Variants in AOC3 observed in about 807,000 individuals in gnomAD.
The protein encoded by AOC3 is amine oxidase [copper-containing] 3.
AOC3 carries 47 observed loss-of-function variants against 55.4 expected under a neutral mutation model. The ratio of observed to expected loss-of-function variants is 0.85; its 90% confidence interval spans 0.67 to 1.08. The LOEUF is 1.08. AOC3 is among the 50% of genes least tolerant of loss of function. AOC3 has a pLI of 0.00. For synonymous variants in AOC3, 386 were observed against 410.7 expected (o/e 0.94, Z 0.73); for missense variants, 853 against 993.1 (o/e 0.86, Z 1.90).
Position 42,852,619 on chromosome 17 carries a change from C to T in AOC3, c.1276C>T (p.Arg426Cys), listed in dbSNP as rs368455364. 79 of 1,614,204 alleles carry T rather than the reference C, an allele frequency of 4.9e-5. No homozygotes were observed. The highest frequency in any genetic ancestry group is 8.3e-5 in the Admixed American group (5 of 60,022). The stretch of plus-strand genomic sequence containing the variant: ...GGAGTCCCAGGCCCCCAAGACAATA[C>T]GTGATGCCTTTTGTGTGTTTGAACA... ...LLESQAPKTIRDAFCVFEQNQ... is the reference protein window; with the variant it reads ...LLESQAPKTICDAFCVFEQNQ... The change falls in exon 1 of 4, where the codon CGT becomes TGT. Residue 426 changes from arginine (R) to cysteine (C), a missense_variant. Coordinates refer to ENST00000308423, the MANE Select transcript of AOC3 (RefSeq NM_003734.4).
In AOC3 at chr17:42,852,436, C is replaced by G. The variant is rs753769690; in HGVS notation, c.1093C>G (p.Leu365Val). Residue 365 changes from leucine (L) to valine (V), a missense_variant, in exon 1 of 4, where the codon CTC becomes GTC. Coordinates refer to ENST00000308423, the MANE Select transcript of AOC3 (RefSeq NM_003734.4). Reference protein sequence around the residue: ...QGERLVYEISLQEALAIYGGN... With the variant: ...QGERLVYEISVQEALAIYGGN... Reference sequence around the variant, plus strand: ...AGAAAGACTAGTTTATGAGATAAGCCTCCAAGAGGCCTTGGCCATCTATGG... The same window carrying G: ...AGAAAGACTAGTTTATGAGATAAGCGTCCAAGAGGCCTTGGCCATCTATGG... 5 of 1,614,106 alleles carry G rather than the reference C, an allele frequency of 3.1e-6. No homozygotes were observed. The highest frequency in any genetic ancestry group is 2.5e-6 in the Non-Finnish European group (3 of 1,180,062).
chr17:42,851,853 C>T lies in AOC3; in HGVS notation c.510C>T (p.Pro170=), dbSNP rs180981981. 64 of 1,613,668 alleles carry T rather than the reference C, an allele frequency of 4.0e-5. No individual in the cohort carries two copies. Among genetic ancestry groups the T allele is most frequent in the Non-Finnish European group, 4.5e-5 (53 of 1,180,048 alleles). ...GCCCCCTGCCCTATCACCGACGCCC[C>T]GTGCTGTTCCAAGAGTACCTGGACA... ...HGGPLPYHRR[P]VLFQEYLDID... Residue 170 remains proline (P), a synonymous_variant, in exon 1 of 4, where the codon CCC becomes CCT. Transcript: ENST00000308423.
rs2055729640 is a variant in AOC3, at chr17:42,854,987, C to T, written c.1886+254C>T. ...TCAGCCTCCCCAGTAGCTGGGATTA[C>T]AGGTGCACGCCACCACACATGGCTA... On this transcript the variant is annotated intron_variant, in intron 2 of 3. Coordinates refer to ENST00000308423, the MANE Select transcript of AOC3 (RefSeq NM_003734.4). Among the ~76,000 whole-genome samples, 6 of 151,752 alleles carry T rather than the reference C, an allele frequency of 4.0e-5. 2 individuals are homozygous for T. In the South Asian group the frequency reaches 1.2e-3, roughly 31 times the overall value.
chr17:42,854,263 T>C (rs1015005248), intron 1 of AOC3, 185 bp from the exon 2 acceptor site: 1 of 440,416 alleles, frequency 2.3e-6, no homozygotes, highest in African/African-American at 2.0e-5. Flanking sequence ...TGATGAAGTA[T>C]TTTAATTTAC....
chr17:42,853,106 C>T, intron 1 of AOC3, 163 bp downstream of exon 1: 1 of 1,343,436 alleles, frequency 7.4e-7, no homozygotes. Context: ...TTATTTGGAT[C>T]TTAGCTCACT....
rs753368077 is a variant in AOC3 at position 42,852,804 on chromosome 17, A to G, written c.1461A>G (p.Ile487Met). ...TVFHPSGAIEIRFYATGYISS... is the reference protein window; with the variant it reads ...TVFHPSGAIEMRFYATGYISS... ...TCCACCCCAGTGGGGCCATAGAAATACGATTCTATGCCACGGGCTACATCA... is the reference window on the plus strand; with the variant it reads ...TCCACCCCAGTGGGGCCATAGAAATGCGATTCTATGCCACGGGCTACATCA... The change falls in exon 1 of 4, where the codon ATA (isoleucine) becomes ATG (methionine). Residue 487 changes from isoleucine to methionine, a missense_variant. Coordinates refer to ENST00000308423, the MANE Select transcript of AOC3 (RefSeq NM_003734.4). 1 of 1,613,956 alleles carries G rather than the reference A, an allele frequency of 6.2e-7. No homozygotes were observed. The highest frequency in any genetic ancestry group is 8.5e-7 in the Non-Finnish European group (1 of 1,179,926).
intron 1 of AOC3, among the ~76,000 whole-genome samples, chr17:42,853,848 G>A (rs780914531): frequency 2.0e-5 from 3 of 152,154 alleles, no homozygotes; most frequent in Non-Finnish European, 4.4e-5. Flanking sequence ...TTTCCTTCAC[G>A]GTGCAGCTCC....
In AOC3 at chr17:42,852,514, A is replaced by G. The variant is rs369983069; in HGVS notation, c.1171A>G (p.Met391Val). Residue 391 changes from methionine (M) to valine (V), a missense_variant, in exon 1 of 4, where the codon ATG (methionine) becomes GTG (valine). Transcript: ENST00000308423. Reference sequence around the variant, plus strand: ...CCGCTATGTGGATGGAGGCTTTGGCATGGGCAAGTACACCACGCCCCTGAC... The same window carrying G: ...CCGCTATGTGGATGGAGGCTTTGGCGTGGGCAAGTACACCACGCCCCTGAC... Reference protein sequence around the residue: ...TTRYVDGGFGMGKYTTPLTRG... With the variant: ...TTRYVDGGFGVGKYTTPLTRG... 1 of 1,614,222 alleles carries G rather than the reference A, an allele frequency of 6.2e-7. No homozygotes were observed.
At position 42,852,684 on chromosome 17, in the gene AOC3, C is replaced by T; in HGVS notation, c.1341C>T (p.Leu447=). The change falls in exon 1 of 4, where the codon CTC becomes CTT. Residue 447 remains leucine, a synonymous_variant. Coordinates refer to ENST00000308423, the MANE Select transcript of AOC3 (RefSeq NM_003734.4). ...CCCTGCGGCGACACCACTCAGATCT[C>T]TACTCGCACTACTTTGGGGGTCTTG... is the stretch of plus-strand genomic sequence containing the variant. ...GLPLRRHHSD[L]YSHYFGGLAE... is the part of the protein sequence containing the mutation. 6.2e-7 allele frequency: 1 copy of T among 1,614,242 alleles called. No individual in the cohort carries two copies. The highest frequency in any genetic ancestry group is 1.1e-5 in the South Asian group (1 of 91,084).
Position 42,852,153 on chromosome 17 carries a change from C to T in AOC3, c.810C>T (p.Tyr270=). ...TIQKVFYQGR[Y]YDSLAQLEAQ... ...AGAAGGTGTTCTATCAAGGCCGCTA[C>T]TACGACAGCCTGGCCCAGCTGGAGG... The change falls in exon 1 of 4, where the codon TAC becomes TAT. Residue 270 remains tyrosine (Y), a synonymous_variant. Coordinates refer to ENST00000308423, the MANE Select transcript of AOC3 (RefSeq NM_003734.4). 6.2e-7 allele frequency: 1 copy of T among 1,613,958 alleles called. No homozygotes were observed. Among genetic ancestry groups the T allele is most frequent in the African/African-American group, 1.3e-5 (1 of 75,046 alleles).
Position 42,852,459 on chromosome 17 carries a change from T to C in AOC3, c.1116T>C (p.Tyr372=), listed in dbSNP as rs1431976971. 1 of 1,614,212 alleles carries C rather than the reference T, an allele frequency of 6.2e-7. No individual in the cohort carries two copies. Among genetic ancestry groups the C allele is most frequent in the Non-Finnish European group, 8.5e-7 (1 of 1,180,044 alleles). The change falls in exon 1 of 4, where the codon TAT becomes TAC. Residue 372 remains tyrosine (Y), a synonymous_variant. Coordinates refer to ENST00000308423, the MANE Select transcript of AOC3 (RefSeq NM_003734.4). ...GCCTCCAAGAGGCCTTGGCCATCTA[T>C]GGTGGAAATTCCCCAGCAGCAATGA... ...EISLQEALAI[Y]GGNSPAAMTT... is the part of the protein sequence containing the mutation.
Position 42,856,265 on chromosome 17 carries a change from C to T in AOC3, c.2017-10C>T, listed in dbSNP as rs201129206. 1.2e-6 allele frequency: 2 copies of T among 1,613,116 alleles called. No homozygotes were observed. Among genetic ancestry groups the T allele is most frequent in the African/African-American group, 1.3e-5 (1 of 75,034 alleles). ...CAGACCTCGTGATCCTCTTTCTTCT[C>T]CCCTGCTAGGATTTGGTGGCCTGGG... On this transcript the variant is annotated splice_polypyrimidine_tract_variant and intron_variant, in intron 3 of 3. Coordinates refer to ENST00000308423, the MANE Select transcript of AOC3 (RefSeq NM_003734.4).
Position 42,852,822 on chromosome 17 carries a change from C to T in AOC3, c.1479C>T (p.Gly493=), listed in dbSNP as rs770156925. 3.1e-6 allele frequency: 5 copies of T among 1,614,090 alleles called. No homozygotes were observed. Among genetic ancestry groups the T allele is most frequent in the Non-Finnish European group, 4.2e-6 (5 of 1,179,940 alleles). Residue 493 remains glycine, a synonymous_variant, in exon 1 of 4, where the codon GGC becomes GGT. Coordinates refer to ENST00000308423, the MANE Select transcript of AOC3 (RefSeq NM_003734.4). ...TAGAAATACGATTCTATGCCACGGG[C>T]TACATCAGCTCGGCATTCCTCTTTG... ...GAIEIRFYAT[G]YISSAFLFGA... is the part of the protein sequence containing the mutation.
rs200003631 is a variant in AOC3, at chr17:42,852,812, A to T, written c.1469A>T (p.Tyr490Phe). Residue 490 changes from tyrosine to phenylalanine, a missense_variant, in exon 1 of 4, where the codon TAT becomes TTT. Coordinates refer to ENST00000308423, the MANE Select transcript of AOC3 (RefSeq NM_003734.4). ...AGTGGGGCCATAGAAATACGATTCT[A>T]TGCCACGGGCTACATCAGCTCGGCA... ...HPSGAIEIRF[Y>F]ATGYISSAFL... 4 of 1,614,132 alleles carry T rather than the reference A, an allele frequency of 2.5e-6. No individual in the cohort carries two copies. In the East Asian group the frequency reaches 8.9e-5, roughly 36 times the overall value.
rs34755912 is a variant in AOC3 at position 42,853,218 on chromosome 17, C to G, written c.1600+275C>G. On this transcript the variant is annotated intron_variant, in intron 1 of 3. Transcript: ENST00000308423. ...AGGCAGGATTTGGGCTAACAGTGTCCCCATTGCCCTCTTCTCTCCCTTGTA... is the reference window on the plus strand; with the variant it reads ...AGGCAGGATTTGGGCTAACAGTGTCGCCATTGCCCTCTTCTCTCCCTTGTA... 29 of 1,298,444 alleles carry G rather than the reference C, an allele frequency of 2.2e-5. No homozygotes were observed. The African/African-American group carries it at 3.9e-4, about 17-fold the overall frequency. The allele number at this position is 1,298,444 out of a possible 1,614,324, so 80.4% of individuals were successfully genotyped here.
Position 42,856,420 on chromosome 17 carries a change from A to C in AOC3, c.2162A>C (p.Asp721Ala). ...FDEDPSFYSA[D>A]SIYFRGDQDA... ...GAAGACCCCTCCTTCTACTCTGCCG[A>C]CTCCATCTACTTCCGAGGGGACCAG... is the stretch of plus-strand genomic sequence containing the variant. Residue 721 changes from aspartate (D) to alanine (A), a missense_variant, in exon 4 of 4, where the codon GAC (aspartate) becomes GCC (alanine). Asp to Ala is a moderately radical substitution (Grantham distance 126). Transcript: ENST00000308423. 1.2e-6 allele frequency: 2 copies of C among 1,613,824 alleles called. No individual in the cohort carries two copies. Among genetic ancestry groups the C allele is most frequent in the Non-Finnish European group, 1.7e-6 (2 of 1,179,942 alleles).
intron 1 of AOC3, 23 bp from the exon 2 acceptor site, chr17:42,854,425 C>A: frequency 1.4e-6 from 2 of 1,462,232 alleles, no homozygotes; most frequent in South Asian, 2.9e-5. Context: ...CTGACAGGCC[C>A]TCCCCTATCC....
chr17:42,855,494 G>A lies in AOC3; in HGVS notation c.1937G>A (p.Ser646Asn). 1.9e-6 allele frequency: 3 copies of A among 1,613,064 alleles called. No individual in the cohort carries two copies. The change falls in exon 3 of 4, where the codon AGC becomes AAC. Residue 646 changes from serine (S) to asparagine (N), a missense_variant. Ser to Asn is a conservative substitution (Grantham distance 46). Transcript: ENST00000308423. ...QRKEEEPSSS[S>N]VFNQNDPWAP... ...AAGGAGGAGGAGCCCAGTAGCAGCA[G>A]CGTTTTCAATCAGAATGACCCTTGG...
intron 1 of AOC3, among the ~76,000 whole-genome samples, chr17:42,853,546 A>T (rs1462918256): frequency 6.6e-6 from 1 of 151,860 alleles, no homozygotes; most frequent in Non-Finnish European, 1.5e-5. Context: ...TGGAGTCTTC[A>T]TCTTTGTCTT....
Sources: allele counts gnomAD v4.1 joint callset (sites outside exome capture counted in the v4.1 genomes callset), GRCh38; gene constraint gnomAD v4.1.1; transcripts MANE v1.5; gene names NCBI Gene and HGNC (gene_info 2026-07-23, HGNC 2026-07-21).